The following PHF8 variants were observed in gnomAD, a reference collection of about 807,000 sequenced individuals.
PHF8 encodes histone lysine demethylase PHF8.
PHF8 carries 9 observed loss-of-function variants against 74.4 expected under a neutral mutation model. The ratio of observed to expected loss-of-function variants is 0.12; its 90% CI spans 0.07 to 0.21. The LOEUF is 0.21. Ranked by LOEUF, PHF8 falls within the 10% of genes least tolerant of loss-of-function variation. The pLI is 1.00. For synonymous variants in PHF8, 311 were observed against 316.6 expected, an observed-to-expected ratio of 0.98 and a Z score of 0.19; for missense variants, 478 against 816.6, an observed-to-expected ratio of 0.59 and a Z score of 5.05.
rs2065415554 is a variant in PHF8, at chrX:53,978,127, T to A, written c.2443+6787A>T. Among the ~76,000 whole-genome samples, 3 of 108,568 alleles carry A rather than the reference T, an allele frequency of 2.8e-5. No homozygotes were observed. The South Asian group carries it at 1.2e-3, about 45-fold the overall frequency. 94.3% of individuals were successfully genotyped at this position (108,568 alleles called of 115,157 possible). ...CACCTGGCTAAATTTTTTGTATTTT[T>A]AGTAGAGACAGGGTTTGACCATATT... On this transcript the variant is annotated intron_variant, in intron 18 of 21. Transcript: ENST00000338154.
At chrX:53,948,788 C>T (rs1306678108) in intron 19 of PHF8, among the ~76,000 whole-genome samples, 1 of 110,653 alleles carries the variant, frequency 9.0e-6, no homozygotes, top group East Asian at 2.9e-4. Flanking sequence ...CTTTGAGAGG[C>T]CGAGGTGGGT....
intron 7 of PHF8, among the ~76,000 whole-genome samples, chrX:54,012,359 A>C (rs782247229): frequency 8.9e-6 from 1 of 112,197 alleles, no homozygotes; most frequent in South Asian, 3.7e-4. Flanking sequence ...AAAAGAGTTA[A>C]ACCTAACATT....
At chrX:54,008,872 T>G (rs377219388) in intron 8 of PHF8, among the ~76,000 whole-genome samples, 208 of 111,104 alleles carry the variant, frequency 1.9e-3, no homozygotes, top group African/African-American at 6.3e-3. Flanking sequence ...TATAGGGTTT[T>G]TTTAAAAAAC....
At chrX:54,045,051 G>T, upstream of PHF8, 1 of 493,921 alleles carries the variant, frequency 2.0e-6, no homozygotes, top group Non-Finnish European at 3.4e-6. Flanking sequence ...TGTGCCCTGT[G>T]CTACCCGCGT....
intron 11 of PHF8, among the ~76,000 whole-genome samples, chrX:53,996,100 T>C (rs1238602070): frequency 9.0e-6 from 1 of 110,945 alleles, no homozygotes; most frequent in African/African-American, 3.3e-5. Context: ...ATTAGCAAAC[T>C]TTCTTAAAAC....
intron 10 of PHF8, among the ~76,000 whole-genome samples, chrX:54,000,163 A>AT (rs1557103926): frequency 1.8e-5 from 2 of 112,290 alleles, no homozygotes; most frequent in East Asian, 5.6e-4. Context: ...TAACACTTAT[A>AT]CCTATCCTGT....
chrX:54,032,489 C>T (rs1255847462), intron 2 of PHF8, among the ~76,000 whole-genome samples: 1 of 110,623 alleles, frequency 9.0e-6, no homozygotes, highest in Non-Finnish European at 1.9e-5. Flanking sequence ...ACACTCTTCC[C>T]CTACTTACCA....
intron 18 of PHF8, among the ~76,000 whole-genome samples, chrX:53,967,204 C>T (rs2065211041): frequency 9.3e-6 from 1 of 108,032 alleles, no homozygotes; most frequent in Non-Finnish European, 1.9e-5. Context: ...CTCTGCCCGG[C>T]CGCCCCTACT....
intron 11 of PHF8, among the ~76,000 whole-genome samples, chrX:53,996,838 C>T (rs1214973618): frequency 2.7e-5 from 3 of 112,450 alleles, no homozygotes; most frequent in Non-Finnish European, 3.8e-5. Context: ...TGAGCCACTG[C>T]ACCCCGGCTG....
intron 19 of PHF8, among the ~76,000 whole-genome samples, chrX:53,959,616 C>T (rs782112479): frequency 1.8e-5 from 2 of 110,185 alleles, no homozygotes; most frequent in South Asian, 7.8e-4. Flanking sequence ...AATCACAGCA[C>T]TCTGGGAGGC....
upstream of PHF8, among the ~76,000 whole-genome samples, chrX:54,047,728 T>C (rs1201541292): frequency 1.8e-5 from 2 of 111,318 alleles, no homozygotes; most frequent in African/African-American, 3.3e-5. Flanking sequence ...GAATTTCCAA[T>C]TGAGGTGAGT....
chrX:53,999,319 T>C (rs782029580), intron 11 of PHF8, among the ~76,000 whole-genome samples: 1 of 112,553 alleles, frequency 8.9e-6, no homozygotes, highest in East Asian at 2.8e-4. Context: ...TGTTTTCAGC[T>C]TACTTTATTG....
chrX:54,021,137 G>A (rs1175492771), intron 4 of PHF8, among the ~76,000 whole-genome samples: 1 of 112,212 alleles, frequency 8.9e-6, no homozygotes, highest in Non-Finnish European at 1.9e-5. Context: ...GTCCTTTTCA[G>A]TAACATGGAT....
intron 11 of PHF8, among the ~76,000 whole-genome samples, chrX:53,996,252 G>A (rs1202702751): frequency 9.1e-6 from 1 of 109,983 alleles, no homozygotes; most frequent in Non-Finnish European, 1.9e-5. Context: ...CAGTAGCTGG[G>A]ACTAGAGTGA....
chrX:54,026,226 C>T (rs989038902), intron 2 of PHF8, among the ~76,000 whole-genome samples: 24 of 109,325 alleles, frequency 2.2e-4, no homozygotes, highest in Non-Finnish European at 4.0e-4. Context: ...TGGTGGTGGG[C>T]GCCTATAATT....
chrX:53,997,451 G>A (rs2065765837), intron 11 of PHF8, among the ~76,000 whole-genome samples: 1 of 111,172 alleles, frequency 9.0e-6, no homozygotes, highest in African/African-American at 3.3e-5. Flanking sequence ...TCTATCTGGT[G>A]GAATTTATTT....
At position 53,956,675 on chromosome X, in the gene PHF8, CGTGT is replaced by C. The variant is rs376217153; in HGVS notation, c.2539+6165_2539+6168del. 1.0e-2 allele frequency among the ~76,000 whole-genome samples: 971 copies of C among 97,514 alleles called. 5 individuals are homozygous for C. The highest frequency in any genetic ancestry group is 0.016 in the Middle Eastern group (3 of 193). 84.7% of individuals were successfully genotyped at this position (97,514 alleles called of 115,157 possible). On this transcript the variant is annotated intron_variant, in intron 19 of 21. Transcript: ENST00000338154. Reference sequence around the variant, plus strand: ...GCACATTATAAGTATAAAATATGTGCGTGTGTGTGTGTGTGTGTGTGTGTGTGTG... The same window carrying C: ...GCACATTATAAGTATAAAATATGTGCGTGTGTGTGTGTGTGTGTGTGTGTG...
At chrX:53,951,575 T>A (rs1305961295) in intron 19 of PHF8, among the ~76,000 whole-genome samples, 6 of 110,578 alleles carry the variant, frequency 5.4e-5, no homozygotes, top group African/African-American at 2.0e-4. Context: ...CTCAGCCTCC[T>A]GAGTAGCTGG....
At chrX:54,032,526 C>T (rs2066378614) in intron 2 of PHF8, among the ~76,000 whole-genome samples, 1 of 110,820 alleles carries the variant, frequency 9.0e-6, no homozygotes, top group African/African-American at 3.3e-5. Context: ...CGCTTTCCTT[C>T]AGGCTCATAG....
Sources: gnomAD v4.1 joint callset for allele counts (sites outside exome capture counted in the v4.1 genomes callset) on GRCh38, gnomAD v4.1.1 for gene constraint, MANE v1.5 for transcripts, NCBI Gene and HGNC (gene_info 2026-07-23, HGNC 2026-07-21) for gene names.